Variants in LOXL2 observed in about 807,000 individuals in gnomAD.
LOXL2 encodes the protein lysyl oxidase homolog 2.
LOXL2 carries 70 observed loss-of-function variants against 93.0 expected under a neutral mutation model. The ratio of observed to expected loss-of-function variants is 0.75; its 90% CI spans 0.62 to 0.92. The LOEUF is 0.92. LOXL2 is among the 40% of genes least tolerant of loss of function. LOXL2 has a pLI of 0.00. For synonymous variants in LOXL2, 438 were observed against 413.2 expected (o/e 1.06, Z -0.73); for missense variants, 973 against 1,054.9 (o/e 0.92, Z 1.08).
chr8:23,359,683 C>T (rs551456884), intron 3 of LOXL2, among the ~76,000 whole-genome samples: 1 of 152,358 alleles, frequency 6.6e-6, no homozygotes, highest in African/African-American at 2.4e-5. Flanking sequence ...GCTGCAAAAC[C>T]TGGGGGCAAT....
At chr8:23,344,928 G>A (rs1007316669) in intron 3 of LOXL2, among the ~76,000 whole-genome samples, 1 of 152,202 alleles carries the variant, frequency 6.6e-6, no homozygotes. Context: ...TGCAGTCTCT[G>A]CCCTCCTTGG....
Position 23,310,725 on chromosome 8 carries a change from G to A in LOXL2, c.1637-814C>T, listed in dbSNP as rs950460181. 4.6e-5 allele frequency among the ~76,000 whole-genome samples: 7 copies of A among 152,202 alleles called. No homozygotes were observed. The East Asian group carries it at 7.7e-4, about 17-fold the overall frequency. The stretch of plus-strand genomic sequence containing the variant: ...CTACTGCCAAATTGCCTTCTTAACA[G>A]GGTCTTCCAGGTTCCACAGGACACA... On this transcript the variant is annotated intron_variant, in intron 9 of 13. Coordinates refer to ENST00000389131, the MANE Select transcript of LOXL2 (RefSeq NM_002318.3).
rs1054260709 is a variant in LOXL2 at position 23,324,401 on chromosome 8, G to A, written c.1151-2120C>T. On this transcript the variant is annotated intron_variant, in intron 6 of 13. Coordinates refer to ENST00000389131, the MANE Select transcript of LOXL2 (RefSeq NM_002318.3). ...TCCAAGGAAGGGCACAGAGAAAGAG[G>A]CCCAGTGTGGCTCACTCTCTTCCTG... Among the ~76,000 whole-genome samples, 13 of 152,310 alleles carry A rather than the reference G, an allele frequency of 8.5e-5. 1 individual carries two copies. In the South Asian group the frequency reaches 2.5e-3, roughly 29 times the overall value.
At chr8:23,348,317 G>C (rs1262251050) in intron 3 of LOXL2, among the ~76,000 whole-genome samples, 1 of 151,996 alleles carries the variant, frequency 6.6e-6, no homozygotes, top group Non-Finnish European at 1.5e-5. Context: ...ATGATGGGTT[G>C]ATGGGTGCAG....
chr8:23,333,287 T>G, intron 5 of LOXL2, 114 bp downstream of exon 5: 2 of 941,226 alleles, frequency 2.1e-6, no homozygotes, highest in Non-Finnish European at 3.3e-6. Flanking sequence ...GCCACAATGG[T>G]GATCTCCGCT....
chr8:23,323,103 T>C (rs9792292), intron 6 of LOXL2, among the ~76,000 whole-genome samples: 110,379 of 152,164 alleles, frequency 0.73, 40,198 homozygotes, highest in Non-Finnish European at 0.76. Context: ...GAGCCAAGTT[T>C]CTATTTCCTT....
chr8:23,345,719 A>G (rs1803960730), intron 3 of LOXL2, among the ~76,000 whole-genome samples: 1 of 143,976 alleles, frequency 6.9e-6, no homozygotes, highest in Non-Finnish European at 1.5e-5. Context: ...ATATTAAAAT[A>G]TACACACACT....
rs756734774 is a variant in LOXL2, at chr8:23,360,271, G to A, written c.356-6C>T. 8 of 1,593,270 alleles carry A rather than the reference G, an allele frequency of 5.0e-6. 1 individual carries two copies. Among genetic ancestry groups the A allele is most frequent in the Non-Finnish European group, 6.9e-6 (8 of 1,164,082 alleles). On this transcript the variant is annotated splice_polypyrimidine_tract_variant and splice_region_variant and intron_variant, in intron 2 of 13. Coordinates refer to ENST00000389131, the MANE Select transcript of LOXL2 (RefSeq NM_002318.3). ...ATTGTCTAACCAGATGGGCCCTGAA[G>A]GAGGCAGAGAGGAGAGAAACCAAGT...
chr8:23,338,841 C>G (rs1340465964), intron 4 of LOXL2, among the ~76,000 whole-genome samples: 3 of 152,190 alleles, frequency 2.0e-5, no homozygotes, highest in Non-Finnish European at 4.4e-5. Flanking sequence ...TGAGCTGGCC[C>G]TACCCCCGGG....
chr8:23,394,167 C>A (rs569174497), intron 1 of LOXL2, among the ~76,000 whole-genome samples: 1 of 151,944 alleles, frequency 6.6e-6, no homozygotes. Flanking sequence ...CCGAGGTGGG[C>A]GGATCACCTG....
intron 1 of LOXL2, among the ~76,000 whole-genome samples, chr8:23,383,322 G>GGTGTGT (rs138965263): frequency 4.0e-5 from 6 of 151,602 alleles, no homozygotes; most frequent in African/African-American, 1.2e-4. Context: ...TTACCTTATG[G>GGTGTGT]GTGTGTGTGT....
chr8:23,357,211 A>C (rs1372523223), intron 3 of LOXL2, among the ~76,000 whole-genome samples: 4 of 152,020 alleles, frequency 2.6e-5, no homozygotes, highest in Non-Finnish European at 5.9e-5. Flanking sequence ...CTGAAATTAC[A>C]GGCACCCACC....
At chr8:23,340,252 A>T (rs1327316456) in intron 4 of LOXL2, among the ~76,000 whole-genome samples, 2 of 152,208 alleles carry the variant, frequency 1.3e-5, no homozygotes, top group African/African-American at 4.8e-5. Flanking sequence ...TGCCTGGCAC[A>T]TTATAAGTCT....
rs575999212 is a variant in LOXL2 at position 23,297,553 on chromosome 8, G to A, written c.*490C>T. On this transcript the variant is annotated 3_prime_UTR_variant, in exon 14 of 14. Transcript: ENST00000389131. The stretch of plus-strand genomic sequence containing the variant: ...ATCTATGTGACTATAATAGACTGGA[G>A]GGTTTCATTGGAAGAGAGGTCTAGA... 4 of 155,344 alleles carry A rather than the reference G, an allele frequency of 2.6e-5. No individual in the cohort carries two copies. Among genetic ancestry groups the A allele is most frequent in the Admixed American group, 1.3e-4 (2 of 15,548 alleles). The allele number at this position is 155,344 out of a possible 1,614,324, so 9.6% of individuals were successfully genotyped here. A position where few individuals can be genotyped will look rare whatever the true frequency, so the allele number is the denominator to read the frequency against.
At position 23,340,524 on chromosome 8, in the gene LOXL2, G is replaced by C. The variant is rs148356719; in HGVS notation, c.743+468C>G. On this transcript the variant is annotated intron_variant, in intron 4 of 13. Coordinates refer to ENST00000389131, the MANE Select transcript of LOXL2 (RefSeq NM_002318.3). Reference sequence around the variant, plus strand: ...TGGATGAAGTGAACTGCACGGACCAGTGTCTCAATTACCTGCTGCAACTTC... The same window carrying C: ...TGGATGAAGTGAACTGCACGGACCACTGTCTCAATTACCTGCTGCAACTTC... 9.6e-4 allele frequency among the ~76,000 whole-genome samples: 147 copies of C among 152,346 alleles called. 1 individual carries two copies. In the East Asian group the frequency reaches 0.025, roughly 26 times the overall value.
At chr8:23,345,861 G>GTTCA (rs1803963221) in intron 3 of LOXL2, among the ~76,000 whole-genome samples, 1 of 152,026 alleles carries the variant, frequency 6.6e-6, no homozygotes, top group Non-Finnish European at 1.5e-5. Context: ...GAGGTCAGGA[G>GTTCA]ATTGGGACCA....
chr8:23,323,497 G>C (rs4641073), intron 6 of LOXL2, among the ~76,000 whole-genome samples: 110,277 of 152,018 alleles, frequency 0.73, 40,163 homozygotes, highest in Non-Finnish European at 0.76. Flanking sequence ...GGTGCAGCTT[G>C]AAAGACCTCC....
intron 6 of LOXL2, among the ~76,000 whole-genome samples, chr8:23,325,024 T>A (rs1803553155): frequency 1.3e-5 from 2 of 152,198 alleles, no homozygotes; most frequent in South Asian, 4.1e-4. Flanking sequence ...TGCATGTGGC[T>A]ATTGAGCACT....
chr8:23,403,393 T>C (rs1800176760), intron 1 of LOXL2, among the ~76,000 whole-genome samples: 1 of 152,086 alleles, frequency 6.6e-6, no homozygotes. Context: ...CAACAGCCTT[T>C]CGAGCAGGCT....
Sources: gnomAD v4.1 joint callset for allele counts (sites outside exome capture counted in the v4.1 genomes callset) on GRCh38, gnomAD v4.1.1 for gene constraint, MANE v1.5 for transcripts, NCBI Gene and HGNC (gene_info 2026-07-23, HGNC 2026-07-21) for gene names.